The following PCDHGA3 variants were observed in gnomAD, a reference collection of about 807,000 sequenced individuals.
PCDHGA3 encodes protocadherin gamma-A3.
In PCDHGA3, 40 loss-of-function variants were observed where a neutral mutation model predicts 58.5. The ratio of observed to expected loss-of-function variants is 0.68; its 90% CI spans 0.53 to 0.89. The LOEUF (loss-of-function observed/expected upper bound fraction) is 0.89, where lower values mean the gene tolerates loss of function less well. PCDHGA3 is among the 40% of genes least tolerant of loss of function. The probability of loss-of-function intolerance (pLI) is 0.00; values close to 1 mark genes in which losing one functional copy is unlikely to be tolerated. For missense variants in PCDHGA3, 1,223 were observed against 1,195.9 expected (o/e 1.02, Z -0.33); for synonymous variants, 530 against 525.7 (o/e 1.01, Z -0.11).
chr5:141,488,705 G>T (rs1024064135), intron 1 of PCDHGA3, among the ~76,000 whole-genome samples: 1 of 152,200 alleles, frequency 6.6e-6, no homozygotes, highest in Non-Finnish European at 1.5e-5. Context: ...AGATTTTGCT[G>T]GTTCAAGCAA....
At chr5:141,434,265 GA>G (rs2097683598) in intron 1 of PCDHGA3, among the ~76,000 whole-genome samples, 1 of 152,186 alleles carries the variant, frequency 6.6e-6, no homozygotes, top group South Asian at 2.1e-4. Context: ...GGGGGAGGTG[GA>G]AATTAGAGGT....
At chr5:141,482,205 C>T (rs1478729653) in intron 1 of PCDHGA3, among the ~76,000 whole-genome samples, 1 of 151,896 alleles carries the variant, frequency 6.6e-6, no homozygotes, top group Non-Finnish European at 1.5e-5. Context: ...TAAAACAGAC[C>T]AGGTACTTGT....
chr5:141,431,397 C>A lies in PCDHGA3; in HGVS notation c.2425-63410C>A. ...AAGGCTGCTCACCACCTGGTCCTTA[C>A]GGCCTCCGACGGGGGCGACCCGGTG... On this transcript the variant is annotated intron_variant, in intron 1 of 3. Coordinates refer to ENST00000253812, the MANE Select transcript of PCDHGA3 (RefSeq NM_018916.4). The surrounding 1 kb of genome is among the most constrained non-coding windows in gnomAD (Gnocchi z 4.8). 3.1e-6 allele frequency: 5 copies of A among 1,613,782 alleles called. No individual in the cohort carries two copies. Among genetic ancestry groups the A allele is most frequent in the Non-Finnish European group, 4.2e-6 (5 of 1,180,034 alleles).
chr5:141,475,867 G>A (rs2099377217), intron 1 of PCDHGA3: 1 of 504,884 alleles, frequency 2.0e-6, no homozygotes, highest in Non-Finnish European at 3.5e-6. Flanking sequence ...CTCATTCTTC[G>A]TGCAGTTATT....
At chr5:141,462,039 T>A (rs569871892) in intron 1 of PCDHGA3, among the ~76,000 whole-genome samples, 1 of 152,276 alleles carries the variant, frequency 6.6e-6, no homozygotes, top group Non-Finnish European at 1.5e-5. Flanking sequence ...GTCAGGCGGG[T>A]CTTGAACTCC....
Position 141,352,215 on chromosome 5 carries a change from C to T in PCDHGA3, c.2424+5758C>T, listed in dbSNP as rs780390612. The T allele has an allele frequency of 1.0e-4, 162 of 1,613,958 alleles. No homozygotes were observed. The highest frequency in any genetic ancestry group is 1.4e-4 in the Non-Finnish European group (160 of 1,179,914). On this transcript the variant is annotated intron_variant, in intron 1 of 3. Transcript: ENST00000253812. ...GATGGAGGACAGCCGCCACTCTCCG[C>T]CACCGCCACGCTGCACCTAATCTTC...
At chr5:141,383,028 CT>C (rs1561593940) in intron 1 of PCDHGA3, 2 of 1,613,814 alleles carry the variant, frequency 1.2e-6, no homozygotes, top group Non-Finnish European at 1.7e-6. Context: ...ACAAAGGGTC[CT>C]TTGTGGGAGA....
Position 141,510,977 on chromosome 5 carries a change from G to T in PCDHGA3, c.2603G>T (p.Gly868Val). 1.2e-6 allele frequency: 2 copies of T among 1,614,170 alleles called. No individual in the cohort carries two copies. Among genetic ancestry groups the T allele is most frequent in the Non-Finnish European group, 1.7e-6 (2 of 1,180,020 alleles). The change falls in exon 4 of 4, where the codon GGG becomes GTG. Residue 868 changes from glycine to valine, a missense_variant. Physicochemically the swap from Gly to Val is moderately radical, Grantham distance 109. Around this residue, in one of 3 missense-constraint regions of PCDHGA3, gnomAD observed 325 missense variants for 327.5 expected, o/e 0.99. Transcript: ENST00000253812. ...GCTGATGGGAGCTCCACCCTGGGAG[G>T]GGGTGCCGGCACCATGGGATTGAGC... ...EAADGSSTLG[G>V]GAGTMGLSAR...
rs775051431 is a variant in PCDHGA3, at chr5:141,376,309, C to T, written c.2424+29852C>T. 2.5e-6 allele frequency: 4 copies of T among 1,614,030 alleles called. No individual in the cohort carries two copies. The East Asian group carries it at 6.7e-5, about 27-fold the overall frequency. On this transcript the variant is annotated intron_variant, in intron 1 of 3. Transcript: ENST00000253812. Reference sequence around the variant, plus strand: ...GCATGCCCGGCTCGCACTTTGTGGGCGTGGAAGGGGTTCGGGCTTTCCTGC... The same window carrying T: ...GCATGCCCGGCTCGCACTTTGTGGGTGTGGAAGGGGTTCGGGCTTTCCTGC...
rs2099746867 is a variant in PCDHGA3, at chr5:141,493,199, C to T, written c.2425-1608C>T. Among the ~76,000 whole-genome samples the T allele has an allele frequency of 6.6e-6, 1 of 152,168 alleles. No individual in the cohort carries two copies. Among genetic ancestry groups the T allele is most frequent in the Non-Finnish European group, 1.5e-5 (1 of 68,020 alleles). ...CTTACTATATAACTCCTTTGAGAAC[C>T]TCATCTCATTTGCTCTTCCCACCAT... On this transcript the variant is annotated intron_variant, in intron 1 of 3. Coordinates refer to ENST00000253812, the MANE Select transcript of PCDHGA3 (RefSeq NM_018916.4). This position sits in a 1 kb window ranked among gnomAD's most constrained non-coding sequence, Gnocchi z 4.3.
At chr5:141,356,618 C>T (rs1431984672) in intron 1 of PCDHGA3, 3 of 1,614,090 alleles carry the variant, frequency 1.9e-6, no homozygotes, top group Admixed American at 3.3e-5. Context: ...TCCATCTTAT[C>T]TATGACTGCT....
In PCDHGA3 at chr5:141,491,770, G is replaced by A; in HGVS notation, c.2425-3037G>A. 6.4e-7 allele frequency: 1 copy of A among 1,560,888 alleles called. No individual in the cohort carries two copies. Among genetic ancestry groups the A allele is most frequent in the Non-Finnish European group, 8.7e-7 (1 of 1,154,942 alleles). On this transcript the variant is annotated intron_variant, in intron 1 of 3. Coordinates refer to ENST00000253812, the MANE Select transcript of PCDHGA3 (RefSeq NM_018916.4). This position sits in a 1 kb window ranked among gnomAD's most constrained non-coding sequence, Gnocchi z 6.9. ...TGGAGAAGCCGCCCGTCCTCATAAG[G>A]GATTGAACTTGCATCCACTCCTCTC...
chr5:141,460,669 TTATATATC>T (rs1176483278), intron 1 of PCDHGA3, among the ~76,000 whole-genome samples: 1 of 152,032 alleles, frequency 6.6e-6, no homozygotes, highest in African/African-American at 2.4e-5. Flanking sequence ...GTAAACACAG[TTATATATC>T]TATATATCCA....
Position 141,485,967 on chromosome 5 carries a change from A to G in PCDHGA3, c.2425-8840A>G, listed in dbSNP as rs751904053. 2.5e-6 allele frequency: 4 copies of G among 1,614,194 alleles called. No individual in the cohort carries two copies. The South Asian group carries it at 4.4e-5, about 18-fold the overall frequency. On this transcript the variant is annotated intron_variant, in intron 1 of 3. Transcript: ENST00000253812. This position sits in a 1 kb window ranked among gnomAD's most constrained non-coding sequence, Gnocchi z 5.7. The stretch of plus-strand genomic sequence containing the variant: ...GCGGGCATGGTGCTCATCCAGCTCA[A>G]TGCCTCAGACCCGGACCTGGGTCCC...
chr5:141,409,657 C>T (rs13184346), intron 1 of PCDHGA3: 1 of 1,613,620 alleles, frequency 6.2e-7, no homozygotes, highest in Non-Finnish European at 8.5e-7. Context: ...GGCTCAATGG[C>T]CACATCTCCT....
In PCDHGA3 at chr5:141,511,033, C is replaced by T. The variant is rs1185153127; in HGVS notation, c.2659C>T (p.His887Tyr). 6.2e-7 allele frequency: 1 copy of T among 1,614,202 alleles called. No individual in the cohort carries two copies. The highest frequency in any genetic ancestry group is 1.7e-5 in the Admixed American group (1 of 60,032). ...CTACGGACCCCAGTTCACCCTGCAG[C>T]ACGTGCCCGACTACCGCCAGAATGT... ...ARYGPQFTLQ[H>Y]VPDYRQNVYI... Residue 887 changes from histidine to tyrosine, a missense_variant, in exon 4 of 4, where the codon CAC becomes TAC. His to Tyr is a moderately conservative substitution (Grantham distance 83). Coordinates refer to ENST00000253812, the MANE Select transcript of PCDHGA3 (RefSeq NM_018916.4).
At chr5:141,416,652 A>T (rs1028914487) in intron 1 of PCDHGA3, 1 of 152,240 alleles carries the variant, frequency 6.6e-6, no homozygotes, top group Non-Finnish European at 1.5e-5. Context: ...ACAGCTGTAA[A>T]AAAGAAAAGA....
At chr5:141,384,231 C>T in intron 1 of PCDHGA3, 2 of 1,613,928 alleles carry the variant, frequency 1.2e-6, no homozygotes, top group Non-Finnish European at 1.7e-6. Flanking sequence ...AGGTGGCAGA[C>T]ACCAACGATA....
rs70988800 is a variant in PCDHGA3, at chr5:141,379,889, C to CTTTTTTTTTTTTTTTTTTTTTTTTT, written c.2424+33438_2424+33462dup. Among the ~76,000 whole-genome samples, 41 of 50,832 alleles carry CTTTTTTTTTTTTTTTTTTTTTTTTT rather than the reference C, an allele frequency of 8.1e-4. 4 individuals are homozygous for CTTTTTTTTTTTTTTTTTTTTTTTTT. The highest frequency in any genetic ancestry group is 1.7e-3 in the Admixed American group (6 of 3,578). The allele number at this position is 50,832 out of a possible 152,430, so 33.3% of individuals were successfully genotyped here. A position where few individuals can be genotyped will look rare whatever the true frequency, so the allele number is the denominator to read the frequency against. On this transcript the variant is annotated intron_variant, in intron 1 of 3. Coordinates refer to ENST00000253812, the MANE Select transcript of PCDHGA3 (RefSeq NM_018916.4). ...CTTATTTTATGGTCTGTGAAAGCCT[C>CTTTTTTTTTTTTTTTTTTTTTTTTT]TTTTTTTTTTTTTTTTTTTTTTTTT...
Sources: allele counts gnomAD v4.1 joint callset (sites outside exome capture counted in the v4.1 genomes callset), GRCh38; gene constraint gnomAD v4.1.1; regional missense constraint gnomAD v4.1.1; non-coding constraint Gnocchi (gnomAD v3.1); transcripts MANE v1.5; gene names NCBI Gene and HGNC (gene_info 2026-07-23, HGNC 2026-07-21).